The following HAPLN2 variants were observed in gnomAD, a reference collection of about 807,000 sequenced individuals.
HAPLN2 encodes the protein hyaluronan and proteoglycan link protein 2.
Under a neutral mutation model 29.3 loss-of-function variants are expected in HAPLN2, and 27 were observed. The observed-to-expected ratio is 0.92, with a 90% CI of 0.68 to 1.27. HAPLN2 has a LOEUF of 1.27. Ranked by LOEUF, HAPLN2 falls within the 50% of genes most tolerant of loss-of-function variation. The pLI is 0.00. For synonymous variants in HAPLN2, 208 were observed against 211.7 expected (o/e 0.98, Z 0.15); for missense variants, 454 against 484.3 (o/e 0.94, Z 0.59).
upstream of HAPLN2, among the ~76,000 whole-genome samples, chr1:156,619,035 A>G (rs1290051762): frequency 6.6e-6 from 1 of 151,980 alleles, no homozygotes; most frequent in Non-Finnish European, 1.5e-5. Flanking sequence ...TCCTATTGCA[A>G]TGCTAGCCAC....
chr1:156,605,282 A>G, the HAPLN2 span, among the ~76,000 whole-genome samples: 1 of 151,206 alleles, frequency 6.6e-6, no homozygotes, highest in Non-Finnish European at 1.5e-5. Flanking sequence ...AAAAAAAAAG[A>G]GAGAGAAAAG....
At chr1:156,608,184 A>G in the HAPLN2 span, among the ~76,000 whole-genome samples, 16 of 152,228 alleles carry the variant, frequency 1.1e-4, no homozygotes, top group African/African-American at 3.9e-4. Flanking sequence ...GCTTACCTAC[A>G]AATAGGGGCC....
rs774525894 is a variant in HAPLN2, at chr1:156,623,927, G to T, written c.206G>T (p.Arg69Leu). Reference protein sequence around the residue: ...LGTTPPSYKVRWSKVEPGELR... With the variant: ...LGTTPPSYKVLWSKVEPGELR... ...ACCACGCCTCCCAGCTACAAGGTGC[G>T]CTGGAGCAAGGTGGAGCCTGGGGAG... The change falls in exon 4 of 7, where the codon CGC (arginine) becomes CTC (leucine). Residue 69 changes from arginine (R) to leucine (L), a missense_variant. Transcript: ENST00000255039. The T allele has an allele frequency of 1.2e-6, 2 of 1,606,588 alleles. No individual in the cohort carries two copies. Among genetic ancestry groups the T allele is most frequent in the Non-Finnish European group, 1.7e-6 (2 of 1,176,604 alleles).
the HAPLN2 span, among the ~76,000 whole-genome samples, chr1:156,608,289 T>C: frequency 6.6e-6 from 1 of 152,144 alleles, no homozygotes; most frequent in Non-Finnish European, 1.5e-5. Flanking sequence ...TGAACACTTA[T>C]TTCTATTTAA....
chr1:156,603,632 G>A, the HAPLN2 span, among the ~76,000 whole-genome samples: 1 of 152,084 alleles, frequency 6.6e-6, no homozygotes, highest in South Asian at 2.1e-4. Flanking sequence ...TTAGTGTGAT[G>A]CACTTTGCCA....
intron 2 of HAPLN2, among the ~76,000 whole-genome samples, chr1:156,622,118 C>T (rs1404740018): frequency 6.6e-6 from 1 of 152,006 alleles, no homozygotes. Context: ...CAAATTCACA[C>T]TGTTAAGTTT....
intron 1 of HAPLN2, among the ~76,000 whole-genome samples, chr1:156,619,801 T>C (rs1042038100): frequency 2.6e-5 from 4 of 152,138 alleles, no homozygotes; most frequent in African/African-American, 7.2e-5. Flanking sequence ...TCCACTCCCC[T>C]TCATGGGTTC....
chr1:156,603,580 C>T, the HAPLN2 span, among the ~76,000 whole-genome samples: 2 of 151,956 alleles, frequency 1.3e-5, no homozygotes, highest in Non-Finnish European at 2.9e-5. Flanking sequence ...TTTTAAAATT[C>T]CGAATGAGGT....
At position 156,623,879 on chromosome 1, in the gene HAPLN2, C is replaced by T. The variant is rs199567524; in HGVS notation, c.158C>T (p.Ala53Val). ...EVIHSHRGAT[A>V]TLPCVLGTTP... ...ATTCACTCTCATCGTGGGGCCACGGCCACGCTGCCCTGCGTCCTGGGCACC... is the reference window on the plus strand; with the variant it reads ...ATTCACTCTCATCGTGGGGCCACGGTCACGCTGCCCTGCGTCCTGGGCACC... Residue 53 changes from alanine (A) to valine (V), a missense_variant, in exon 4 of 7, where the codon GCC (alanine) becomes GTC (valine). Ala to Val is a moderately conservative substitution (Grantham distance 64). Coordinates refer to ENST00000255039, the MANE Select transcript of HAPLN2 (RefSeq NM_021817.3). The T allele has an allele frequency of 6.4e-7, 1 of 1,574,568 alleles. No homozygotes were observed. Among genetic ancestry groups the T allele is most frequent in the African/African-American group, 1.3e-5 (1 of 74,140 alleles).
intron 2 of HAPLN2, among the ~76,000 whole-genome samples, chr1:156,621,733 GAA>G (rs58393811): frequency 0.042 from 5,138 of 123,524 alleles, 246 homozygotes; most frequent in African/African-American, 0.13. Context: ...TCAGAAAAAA[GAA>G]AAAAAAAAAA....
chr1:156,615,600 T>G (rs1423058917), upstream of HAPLN2, among the ~76,000 whole-genome samples: 1 of 150,194 alleles, frequency 6.7e-6, no homozygotes, highest in Non-Finnish European at 1.5e-5. Flanking sequence ...AGACAGAATC[T>G]TGGTCTATCG....
In HAPLN2 at chr1:156,623,518, C is replaced by G; in HGVS notation, c.28C>G (p.Leu10Val). ...GCCAGGCTGGCTCACCCTCCCCACA[C>G]TCTGCCGCTTCCTTCTTTGGGCCTT... is the stretch of plus-strand genomic sequence containing the variant. Reference protein sequence around the residue: MPGWLTLPTLCRFLLWAFTI... With the variant: MPGWLTLPTVCRFLLWAFTI... The change falls in exon 3 of 7, where the codon CTC becomes GTC. Residue 10 changes from leucine to valine, a missense_variant. Physicochemically the swap from Leu to Val is conservative, Grantham distance 32. Coordinates refer to ENST00000255039, the MANE Select transcript of HAPLN2 (RefSeq NM_021817.3). The G allele has an allele frequency of 1.9e-6, 3 of 1,614,184 alleles. No individual in the cohort carries two copies. The highest frequency in any genetic ancestry group is 8.5e-7 in the Non-Finnish European group (1 of 1,180,020).
chr1:156,615,802 C>G (rs917193758), upstream of HAPLN2, among the ~76,000 whole-genome samples: 4 of 151,890 alleles, frequency 2.6e-5, no homozygotes, highest in Admixed American at 2.6e-4. Flanking sequence ...GAACTCATGA[C>G]CTTGTGATCC....
upstream of HAPLN2, among the ~76,000 whole-genome samples, chr1:156,619,089 C>CA (rs1349100530): frequency 6.6e-6 from 1 of 152,104 alleles, no homozygotes; most frequent in Non-Finnish European, 1.5e-5. Flanking sequence ...TGGCCTCAGA[C>CA]AAAATCTCTT....
the HAPLN2 span, among the ~76,000 whole-genome samples, chr1:156,612,071 G>A: frequency 6.6e-6 from 1 of 152,192 alleles, no homozygotes; most frequent in Non-Finnish European, 1.5e-5. Context: ...AGGACAGAGT[G>A]CAGTGGCGTG....
intron 4 of HAPLN2, 24 bp from the exon 5 acceptor site, chr1:156,624,327 C>T (rs376296474): frequency 8.1e-5 from 128 of 1,582,140 alleles, no homozygotes; most frequent in Non-Finnish European, 1.0e-4. Context: ...GCTGGCCCTC[C>T]CCAGGATCCC....
In HAPLN2 at chr1:156,623,452, C is replaced by G. The variant is rs1054639731; in HGVS notation, c.-24-15C>G. 66 of 1,610,136 alleles carry G rather than the reference C, an allele frequency of 4.1e-5. No homozygotes were observed. The Admixed American group carries it at 1.1e-3, about 26-fold the overall frequency. On this transcript the variant is annotated splice_polypyrimidine_tract_variant and intron_variant, in intron 2 of 6. Transcript: ENST00000255039. ...GCCCCAGTCCTAAGAACTGCCCACTCTTTGTGCCCTGCAGACGGTGCCGGG... is the reference window on the plus strand; with the variant it reads ...GCCCCAGTCCTAAGAACTGCCCACTGTTTGTGCCCTGCAGACGGTGCCGGG...
chr1:156,624,938 C>G (rs376389122), intron 6 of HAPLN2, among the ~76,000 whole-genome samples, 155 bp downstream of exon 6: 2 of 149,934 alleles, frequency 1.3e-5, no homozygotes. Flanking sequence ...CTCCAGCTCA[C>G]CTCTCCAAAC....
At chr1:156,624,500 C>T in intron 5 of HAPLN2, 33 bp downstream of exon 5, 2 of 1,608,018 alleles carry the variant, frequency 1.2e-6, no homozygotes, top group South Asian at 1.1e-5. Flanking sequence ...TCCCAAGCCC[C>T]GCGGAGCTGT....
Sources: gnomAD v4.1 joint callset for allele counts (sites outside exome capture counted in the v4.1 genomes callset) on GRCh38, gnomAD v4.1.1 for gene constraint, MANE v1.5 for transcripts, NCBI Gene and HGNC (gene_info 2026-07-23, HGNC 2026-07-21) for gene names.